The following DNAH5 variants were observed in gnomAD, a reference collection of about 807,000 sequenced individuals.
DNAH5 encodes dynein axonemal heavy chain 5.
In DNAH5, 372 loss-of-function variants were observed where a neutral mutation model predicts 518.2. The ratio of observed to expected loss-of-function variants is 0.72; its 90% CI spans 0.66 to 0.78. The LOEUF is 0.78. Ranked by LOEUF, DNAH5 falls within the 30% of genes least tolerant of loss-of-function variation. The pLI is 0.00. For synonymous variants in DNAH5, 2,039 were observed against 2,025.9 expected, an observed-to-expected ratio of 1.01 and a Z score of -0.17; for missense variants, 5,523 against 5,687.0, an observed-to-expected ratio of 0.97 and a Z score of 0.93.
intron 41 of DNAH5, among the ~76,000 whole-genome samples, chr5:13,818,713 CTCTG>C (rs1761817918): frequency 6.6e-6 from 1 of 152,196 alleles, no homozygotes; most frequent in African/African-American, 2.4e-5. Flanking sequence ...TTTTAATTAT[CTCTG>C]TCTATGTCTA....
At chr5:13,909,798 A>C (rs898118035) in intron 12 of DNAH5, among the ~76,000 whole-genome samples, 1 of 152,188 alleles carries the variant, frequency 6.6e-6, no homozygotes, top group African/African-American at 2.4e-5. Context: ...TCTGACTATG[A>C]GCTGCGAGGG....
intron 61 of DNAH5, among the ~76,000 whole-genome samples, chr5:13,757,725 G>A (rs1751197692): frequency 6.6e-6 from 1 of 152,094 alleles, no homozygotes; most frequent in African/African-American, 2.4e-5. Flanking sequence ...CATTAAAAGT[G>A]GGCAAAGGAC....
Position 13,714,431 on chromosome 5 carries a change from G to A in DNAH5, c.13099C>T (p.Leu4367=), listed in dbSNP as rs763894089. The change falls in exon 75 of 79, where the codon CTG becomes TTG. Residue 4367 remains leucine (L), a synonymous_variant. Coordinates refer to ENST00000265104, the MANE Select transcript of DNAH5 (RefSeq NM_001369.3). ...TCAAAGGGGACATAGTCTGGGGGCA[G>A]CTTCTCCAGCATATCATCAGCCAGC... is the stretch of plus-strand genomic sequence containing the variant. ...ARLADDMLEK[L]PPDYVPFEVK... 6.2e-7 allele frequency: 1 copy of A among 1,614,184 alleles called. No homozygotes were observed. Among genetic ancestry groups the A allele is most frequent in the Non-Finnish European group, 8.5e-7 (1 of 1,180,016 alleles).
Position 13,807,745 on chromosome 5 carries a change from A to G in DNAH5, c.7753-20T>C. On this transcript the variant is annotated intron_variant, in intron 46 of 78. Transcript: ENST00000265104. ...CACAGCCTAAAATAGAGGGAATTGA[A>G]AAAAAAAGAAATGAAATAAATGAGT... 1.3e-6 allele frequency: 2 copies of G among 1,589,576 alleles called. No individual in the cohort carries two copies. Among genetic ancestry groups the G allele is most frequent in the Non-Finnish European group, 1.7e-6 (2 of 1,164,692 alleles).
intron 1 of DNAH5, among the ~76,000 whole-genome samples, chr5:13,977,022 AC>A (rs1782312889): frequency 6.6e-6 from 1 of 152,168 alleles, no homozygotes; most frequent in Non-Finnish European, 1.5e-5. Context: ...GTGTCACTAA[AC>A]TATTTTTAGA....
At position 13,817,440 on chromosome 5, in the gene DNAH5, G is replaced by A; in HGVS notation, c.6988+108C>T. The A allele has an allele frequency of 2.6e-6, 3 of 1,140,100 alleles. No homozygotes were observed. The South Asian group carries it at 4.0e-5, about 15-fold the overall frequency. 70.6% of individuals were successfully genotyped at this position (1,140,100 alleles called of 1,614,324 possible). A position where few individuals can be genotyped will look rare whatever the true frequency, so the allele number is the denominator to read the frequency against. On this transcript the variant is annotated intron_variant, in intron 42 of 78. Coordinates refer to ENST00000265104, the MANE Select transcript of DNAH5 (RefSeq NM_001369.3). ...CACTGATTTATGACTTCTTAGTCTTGGCTAAGATATTATACAGCAAATACA... is the reference window on the plus strand; with the variant it reads ...CACTGATTTATGACTTCTTAGTCTTAGCTAAGATATTATACAGCAAATACA...
intron 47 of DNAH5, among the ~76,000 whole-genome samples, chr5:13,798,736 TTTATTTTATTTATTTATTTA>T (rs1475788509): frequency 0.013 from 1,426 of 108,256 alleles, 30 homozygotes; most frequent in African/African-American, 0.042. Flanking sequence ...CATGATTTTA[TTTATTTTATTTATTTATTTA>T]TTTATTTATT....
chr5:13,859,803 T>C (rs1194980384), intron 29 of DNAH5, among the ~76,000 whole-genome samples, 198 bp from the exon 30 acceptor site: 1 of 152,194 alleles, frequency 6.6e-6, no homozygotes, highest in Non-Finnish European at 1.5e-5. Flanking sequence ...TTTTCCCTTT[T>C]GATCCAGAGC....
In DNAH5 at chr5:13,708,190, A is replaced by G; in HGVS notation, c.13271T>C (p.Met4424Thr). The G allele has an allele frequency of 1.2e-6, 2 of 1,614,202 alleles. No homozygotes were observed. The highest frequency in any genetic ancestry group is 1.6e-4 in the Middle Eastern group (1 of 6,062). ...LKLAIDGTII[M>T]SENLRDALDC... ...CAATGCATCTCGCAGATTTTCGCTC[A>G]TGATGATGGTGCCATCAATAGCAAG... Residue 4424 changes from methionine to threonine, a missense_variant, in exon 76 of 79, where the codon ATG becomes ACG. Physicochemically the swap from Met to Thr is moderately conservative, Grantham distance 81. This residue lies in a region of DNAH5 where 387 missense variants were observed against 430.0 expected (regional missense o/e 0.90). Coordinates refer to ENST00000265104, the MANE Select transcript of DNAH5 (RefSeq NM_001369.3).
chr5:13,885,335 A>G, intron 18 of DNAH5, 107 bp from the exon 19 acceptor site: 1 of 1,359,112 alleles, frequency 7.4e-7, no homozygotes, highest in Non-Finnish European at 1.0e-6. Flanking sequence ...CAATTAAAGG[A>G]TAAATTACAT....
chr5:13,901,461 G>C lies in DNAH5; in HGVS notation c.1843C>G (p.Pro615Ala), dbSNP rs758391489. ...ATGGGAGGCTGGTTTCGAGCCAGAG[G>C]AGGATCGTATTTCTGCTTTGTATAC... ...KLYTKQKYDP[P>A]LARNQPPIAG... is the part of the protein sequence containing the mutation. The change falls in exon 14 of 79, where the codon CCT becomes GCT. Residue 615 changes from proline to alanine, a missense_variant. Physicochemically the swap from Pro to Ala is conservative, Grantham distance 27. This residue lies in a region of DNAH5 where 5,121 missense variants were observed against 5,223.3 expected (regional missense o/e 0.98). Transcript: ENST00000265104. The C allele has an allele frequency of 6.2e-7, 1 of 1,613,970 alleles. No homozygotes were observed. The highest frequency in any genetic ancestry group is 8.5e-7 in the Non-Finnish European group (1 of 1,180,004).
intron 45 of DNAH5, among the ~76,000 whole-genome samples, chr5:13,809,733 T>C (rs949070434): frequency 5.3e-5 from 8 of 152,182 alleles, no homozygotes; most frequent in Non-Finnish European, 8.8e-5. Flanking sequence ...GGCAAAAATA[T>C]ACTTTAAACT....
intron 17 of DNAH5, among the ~76,000 whole-genome samples, chr5:13,887,686 C>G (rs1158745630): frequency 6.6e-6 from 1 of 152,194 alleles, no homozygotes; most frequent in African/African-American, 2.4e-5. Context: ...ACCCTTACTC[C>G]CTGGTTCATG....
At chr5:13,831,514 G>A (rs778297664) in intron 35 of DNAH5, among the ~76,000 whole-genome samples, 3 of 152,050 alleles carry the variant, frequency 2.0e-5, no homozygotes, top group East Asian at 1.9e-4. Context: ...GCATTCATCC[G>A]GACTTGAAAA....
chr5:13,808,125 G>A (rs910731116), intron 46 of DNAH5, among the ~76,000 whole-genome samples: 5 of 151,082 alleles, frequency 3.3e-5, no homozygotes, highest in Non-Finnish European at 7.4e-5. Flanking sequence ...AGCTACTTGG[G>A]AGGCTGAGGC....
intron 57 of DNAH5, 115 bp from the exon 58 acceptor site, chr5:13,769,251 T>TG: frequency 1.8e-6 from 2 of 1,105,640 alleles, no homozygotes; most frequent in Non-Finnish European, 2.6e-6. Context: ...TTTGTTGTTT[T>TG]TTTTTTTTTT....
chr5:13,809,944 T>C, intron 45 of DNAH5, 115 bp downstream of exon 45: 3 of 1,103,092 alleles, frequency 2.7e-6, no homozygotes, highest in Non-Finnish European at 1.3e-6. Flanking sequence ...CGTTTTCATA[T>C]CTTACAGCCA....
At chr5:13,993,481 A>C (rs1170481845) in intron 1 of DNAH5, among the ~76,000 whole-genome samples, 1 of 152,242 alleles carries the variant, frequency 6.6e-6, no homozygotes, top group East Asian at 1.9e-4. Flanking sequence ...ATTCTACCCC[A>C]CTGTACTATT....
chr5:13,853,582 A>C (rs924565649), intron 30 of DNAH5, among the ~76,000 whole-genome samples: 2 of 152,112 alleles, frequency 1.3e-5, no homozygotes, highest in Non-Finnish European at 2.9e-5. Flanking sequence ...TCCAAGCTAA[A>C]GGAGCATGTT....
Sources: gnomAD v4.1 joint callset for allele counts (sites outside exome capture counted in the v4.1 genomes callset) on GRCh38, gnomAD v4.1.1 for gene constraint, gnomAD v4.1.1 regional missense constraint, MANE v1.5 for transcripts, NCBI Gene and HGNC (gene_info 2026-07-23, HGNC 2026-07-21) for gene names.